The following PRR5L variants were observed in gnomAD, a reference collection of about 807,000 sequenced individuals.
PRR5L encodes the protein proline rich 5 like, also known as proline-rich protein 5-like.
A neutral mutation model predicts 36.4 loss-of-function variants in PRR5L; 21 were observed. The observed-to-expected ratio is 0.58, with a 90% CI of 0.41 to 0.83. The LOEUF is 0.83. PRR5L is among the 40% of genes least tolerant of loss of function. The pLI, the probability that PRR5L is intolerant of heterozygous loss-of-function variation, is 0.00. For missense variants in PRR5L, 381 were observed against 473.3 expected, an observed-to-expected ratio of 0.80 and a Z score of 1.81; for synonymous variants, 188 against 197.0, an observed-to-expected ratio of 0.95 and a Z score of 0.38.
chr11:36,350,972 ATATATATTTATATATT>A (rs1251046980), intron 1 of PRR5L, among the ~76,000 whole-genome samples: 5 of 48,348 alleles, frequency 1.0e-4, no homozygotes, highest in African/African-American at 4.3e-4. Flanking sequence ...TTATATATTT[ATATATATTTATATATT>A]TATATATTTA....
chr11:36,312,078 C>T (rs568456778), intron 1 of PRR5L, among the ~76,000 whole-genome samples: 20 of 152,212 alleles, frequency 1.3e-4, no homozygotes, highest in African/African-American at 4.8e-4. Context: ...CAAGAAAATA[C>T]TAATAGGTAG....
intron 3 of PRR5L, among the ~76,000 whole-genome samples, chr11:36,416,823 A>G (rs199780803): frequency 6.6e-6 from 1 of 151,254 alleles, no homozygotes; most frequent in African/African-American, 2.4e-5. Flanking sequence ...CCTCCCTGAT[A>G]GGAGGGGAGG....
intron 4 of PRR5L, among the ~76,000 whole-genome samples, chr11:36,420,302 T>C (rs941929447): frequency 1.1e-4 from 17 of 152,244 alleles, no homozygotes; most frequent in Admixed American, 1.1e-3. Flanking sequence ...AAATAACACA[T>C]GTAAAGCACT....
At chr11:36,430,321 A>C (rs1858467743) in intron 4 of PRR5L, among the ~76,000 whole-genome samples, 1 of 152,142 alleles carries the variant, frequency 6.6e-6, no homozygotes. Flanking sequence ...CTGAGGTGGG[A>C]GAATTGCGTG....
intron 4 of PRR5L, among the ~76,000 whole-genome samples, chr11:36,423,664 A>C (rs565562532): frequency 6.6e-6 from 1 of 152,338 alleles, no homozygotes; most frequent in African/African-American, 2.4e-5. Context: ...GGAATTCCAC[A>C]TACACTCTGC....
At chr11:36,324,598 T>G (rs1184816967) in intron 1 of PRR5L, among the ~76,000 whole-genome samples, 1 of 152,188 alleles carries the variant, frequency 6.6e-6, no homozygotes, top group Non-Finnish European at 1.5e-5. Flanking sequence ...AAACAATTTT[T>G]TAAATTCAAA....
chr11:36,426,629 C>T (rs1564945569), intron 4 of PRR5L, among the ~76,000 whole-genome samples: 2 of 152,184 alleles, frequency 1.3e-5, no homozygotes, highest in Non-Finnish European at 2.9e-5. Context: ...CTCACACTTG[C>T]TAGTTGCTTC....
intron 1 of PRR5L, among the ~76,000 whole-genome samples, chr11:36,327,965 T>C (rs1322500776): frequency 6.6e-6 from 1 of 151,910 alleles, no homozygotes; most frequent in Non-Finnish European, 1.5e-5. Flanking sequence ...CCAATCTCCC[T>C]GGGTACATGT....
intron 1 of PRR5L, among the ~76,000 whole-genome samples, chr11:36,298,197 A>T (rs1224644641): frequency 6.6e-6 from 1 of 152,174 alleles, no homozygotes; most frequent in African/African-American, 2.4e-5. Context: ...TGAGGGGCTT[A>T]AACCAGCAGT....
intron 1 of PRR5L, among the ~76,000 whole-genome samples, chr11:36,329,686 G>C (rs563571752): frequency 6.6e-6 from 1 of 152,254 alleles, no homozygotes; most frequent in East Asian, 1.9e-4. Flanking sequence ...TGCTTTATTG[G>C]AACTTTTATA....
chr11:36,464,122 G>A lies in PRR5L; in HGVS notation c.*1386G>A, dbSNP rs1859247355. ...TCCTTCTACTGCTCCCTCCAGGTCT[G>A]GGGGCTTTTATCCACCTTGAATCCC... On this transcript the variant is annotated 3_prime_UTR_variant, in exon 9 of 9. Coordinates refer to ENST00000530639, the MANE Select transcript of PRR5L (RefSeq NM_001160167.2). The A allele has an allele frequency of 6.6e-6, 1 of 152,216 alleles. No individual in the cohort carries two copies. The highest frequency in any genetic ancestry group is 1.9e-4 in the East Asian group (1 of 5,194). The allele number at this position is 152,216 out of a possible 1,614,324, so 9.4% of individuals were successfully genotyped here.
At chr11:36,320,435 T>G (rs1856603912) in intron 1 of PRR5L, among the ~76,000 whole-genome samples, 2 of 152,192 alleles carry the variant, frequency 1.3e-5, no homozygotes, top group South Asian at 4.2e-4. Context: ...CTGGGAATCT[T>G]TAAGGGCTCT....
chr11:36,426,199 C>G (rs1327741709), intron 4 of PRR5L: 1 of 152,226 alleles, frequency 6.6e-6, no homozygotes, highest in East Asian at 1.9e-4. Context: ...ACATAGGACA[C>G]CTCTCTAAGG....
intron 1 of PRR5L, among the ~76,000 whole-genome samples, chr11:36,359,924 C>G (rs1259138154): frequency 1.3e-5 from 2 of 152,022 alleles, no homozygotes; most frequent in East Asian, 3.9e-4. Flanking sequence ...GTAGTCCCAG[C>G]TACTAGGAAG....
chr11:36,353,495 T>C (rs1240471715), intron 1 of PRR5L, among the ~76,000 whole-genome samples: 1 of 152,200 alleles, frequency 6.6e-6, no homozygotes, highest in African/African-American at 2.4e-5. Flanking sequence ...CCAGGTGCTG[T>C]CATAGTCTTT....
At chr11:36,404,330 G>C (rs1257691407) in intron 3 of PRR5L, among the ~76,000 whole-genome samples, 1 of 150,284 alleles carries the variant, frequency 6.7e-6, no homozygotes, top group African/African-American at 2.5e-5. Flanking sequence ...GGAGTGCAGT[G>C]GTACCATCTG....
At chr11:36,368,641 A>G (rs910398841) in intron 1 of PRR5L, among the ~76,000 whole-genome samples, 3 of 152,210 alleles carry the variant, frequency 2.0e-5, no homozygotes, top group African/African-American at 7.2e-5. Flanking sequence ...AGTCTACGTA[A>G]TGTATGATAA....
chr11:36,458,647 T>C (rs1428046795), intron 8 of PRR5L, among the ~76,000 whole-genome samples: 1 of 152,222 alleles, frequency 6.6e-6, no homozygotes, highest in East Asian at 1.9e-4. Context: ...CTTGCTGTGA[T>C]CTCCTTCCAG....
intron 8 of PRR5L, among the ~76,000 whole-genome samples, chr11:36,455,863 T>C (rs1166548250): frequency 6.6e-6 from 1 of 152,142 alleles, no homozygotes; most frequent in East Asian, 1.9e-4. Context: ...GGCGGGAACT[T>C]AGCAAGGAAA....
Sources: allele counts gnomAD v4.1 joint callset (sites outside exome capture counted in the v4.1 genomes callset), GRCh38; gene constraint gnomAD v4.1.1; transcripts MANE v1.5; gene names NCBI Gene and HGNC (gene_info 2026-07-23, HGNC 2026-07-21).